The following TEAD4 variants were observed in gnomAD, a reference collection of about 807,000 sequenced individuals.
TEAD4 encodes transcriptional enhancer factor TEF-3.
A neutral mutation model predicts 52.4 loss-of-function variants in TEAD4; 36 were observed. That is an observed-to-expected ratio of 0.69 (90% confidence interval 0.53 to 0.91). The LOEUF (loss-of-function observed/expected upper bound fraction) is 0.91, where lower values mean the gene tolerates loss of function less well. Ranked by LOEUF, TEAD4 falls within the 40% of genes least tolerant of loss-of-function variation. The pLI is 0.00. For synonymous variants in TEAD4, 220 were observed against 231.0 expected (o/e 0.95, Z 0.43); for missense variants, 508 against 583.9 (o/e 0.87, Z 1.34).
At chr12:2,992,444 C>G (rs1215941820) in intron 2 of TEAD4, among the ~76,000 whole-genome samples, 1 of 152,182 alleles carries the variant, frequency 6.6e-6, no homozygotes, top group African/African-American at 2.4e-5. Context: ...CCCTCCCTCC[C>G]CTCGATCCTC....
chr12:2,962,155 C>T (rs1044121949), intron 2 of TEAD4, among the ~76,000 whole-genome samples: 3 of 149,494 alleles, frequency 2.0e-5, no homozygotes, highest in African/African-American at 7.3e-5. Context: ...GACGGAGTCT[C>T]GCTCTGTCGC....
chr12:2,976,303 C>T (rs1173033646), intron 2 of TEAD4, among the ~76,000 whole-genome samples: 4 of 151,908 alleles, frequency 2.6e-5, no homozygotes, highest in African/African-American at 9.7e-5. Flanking sequence ...TGAACCTCCA[C>T]ACCTGGCCAT....
At chr12:3,020,596 C>A (rs777522172) in intron 8 of TEAD4, 38 bp from the exon 9 acceptor site, 2 of 1,495,766 alleles carry the variant, frequency 1.3e-6, no homozygotes, top group Non-Finnish European at 1.8e-6. Context: ...GGCGGGTGTC[C>A]GTGACCAGGT....
At chr12:3,003,980 C>T (rs940674845) in intron 3 of TEAD4, among the ~76,000 whole-genome samples, 32 of 152,236 alleles carry the variant, frequency 2.1e-4, no homozygotes, top group African/African-American at 6.3e-4. Context: ...TGCCGGCCTT[C>T]ACTGTGGTTC....
intron 10 of TEAD4, among the ~76,000 whole-genome samples, chr12:3,027,742 C>T (rs7302288): frequency 0.13 from 19,229 of 152,160 alleles, 1,335 homozygotes; most frequent in Non-Finnish European, 0.14. Context: ...TGGTGCGTGC[C>T]TGTAATCCAA....
intron 10 of TEAD4, among the ~76,000 whole-genome samples, chr12:3,028,515 C>A (rs990773614): frequency 1.3e-5 from 2 of 152,192 alleles, no homozygotes; most frequent in African/African-American, 4.8e-5. Context: ...GAAGTGGTAT[C>A]TCATTGTGGT....
chr12:3,035,082 C>CA (rs1233754268), intron 10 of TEAD4, among the ~76,000 whole-genome samples: 1 of 151,328 alleles, frequency 6.6e-6, no homozygotes, highest in Non-Finnish European at 1.5e-5. Flanking sequence ...GCCCAGGCGA[C>CA]AGAGCGAGAT....
chr12:3,003,435 C>T (rs959707741), intron 3 of TEAD4, among the ~76,000 whole-genome samples: 15 of 152,244 alleles, frequency 9.9e-5, no homozygotes, highest in African/African-American at 3.6e-4. Flanking sequence ...AAATGAGATA[C>T]AGAAATGACC....
intron 2 of TEAD4, among the ~76,000 whole-genome samples, chr12:2,968,741 T>G (rs1400709357): frequency 1.3e-5 from 2 of 151,998 alleles, no homozygotes; most frequent in African/African-American, 2.4e-5. Context: ...CTCAAACTCC[T>G]GCACTCAGAT....
chr12:2,991,659 C>T (rs1374956306), intron 2 of TEAD4, among the ~76,000 whole-genome samples: 1 of 151,712 alleles, frequency 6.6e-6, no homozygotes, highest in African/African-American at 2.4e-5. Flanking sequence ...AAGACTCCGT[C>T]CCCCCACAAA....
chr12:2,970,330 G>A lies in TEAD4; in HGVS notation c.-30+10290G>A, dbSNP rs543537420. 1.0e-3 allele frequency among the ~76,000 whole-genome samples: 154 copies of A among 152,286 alleles called. 1 individual carries two copies. Among genetic ancestry groups the A allele is most frequent in the Non-Finnish European group, 1.1e-3 (76 of 68,024 alleles). Reference sequence around the variant, plus strand: ...CACAGTGTGGCTTTCCAGCCAGCCCGCCTGGGTTTGAATCTCTGTTCTGCC... The same window carrying A: ...CACAGTGTGGCTTTCCAGCCAGCCCACCTGGGTTTGAATCTCTGTTCTGCC... On this transcript the variant is annotated intron_variant, in intron 2 of 12. Transcript: ENST00000359864.
In TEAD4 at chr12:2,982,109, A is replaced by G. The variant is rs2098234490; in HGVS notation, c.-29-12629A>G. On this transcript the variant is annotated intron_variant, in intron 2 of 12. Transcript: ENST00000359864. Reference sequence around the variant, plus strand: ...GTCTGGTTCTGCCTTTTCTCGGGGCAGGTCCTTTGCCCTCCCTGAGGCTTG... The same window carrying G: ...GTCTGGTTCTGCCTTTTCTCGGGGCGGGTCCTTTGCCCTCCCTGAGGCTTG... Among the ~76,000 whole-genome samples, 3 of 152,144 alleles carry G rather than the reference A, an allele frequency of 2.0e-5. No individual in the cohort carries two copies. In the South Asian group the frequency reaches 6.2e-4, roughly 32 times the overall value.
intron 2 of TEAD4, among the ~76,000 whole-genome samples, chr12:2,991,660 C>T (rs1445734215): frequency 6.6e-6 from 1 of 151,522 alleles, no homozygotes; most frequent in Non-Finnish European, 1.5e-5. Context: ...AGACTCCGTC[C>T]CCCCACAAAA....
intron 2 of TEAD4, among the ~76,000 whole-genome samples, chr12:2,979,196 G>A (rs1283363489): frequency 4.6e-5 from 7 of 152,194 alleles, no homozygotes; most frequent in Admixed American, 2.0e-4. Context: ...GATTACAGGC[G>A]TGAGCCACCG....
rs2098269467 is a variant in TEAD4 at position 3,022,545 on chromosome 12, A to G, written c.897+528A>G. Among the ~76,000 whole-genome samples the G allele has an allele frequency of 2.0e-5, 3 of 152,220 alleles. 1 individual carries two copies. In the South Asian group the frequency reaches 6.2e-4, roughly 32 times the overall value. On this transcript the variant is annotated intron_variant, in intron 10 of 12. Transcript: ENST00000359864. ...CGAGGCCACCCCACAAGAAACACCC[A>G]CCCAGCTTCTCAGATAGCTCAGCCT...
At chr12:3,016,292 A>T (rs959033089) in intron 5 of TEAD4, among the ~76,000 whole-genome samples, 4 of 152,194 alleles carry the variant, frequency 2.6e-5, no homozygotes, top group African/African-American at 9.6e-5. Flanking sequence ...CCTCTCCAGG[A>T]GCTGGGATTA....
chr12:2,992,041 C>T (rs1216119131), intron 2 of TEAD4, among the ~76,000 whole-genome samples: 1 of 60,738 alleles, frequency 1.6e-5, no homozygotes, highest in Non-Finnish European at 3.8e-5. Flanking sequence ...TTTTTTGAGG[C>T]GGAGTCTCGC....
chr12:2,998,909 C>A (rs2098249399), intron 3 of TEAD4, among the ~76,000 whole-genome samples: 1 of 152,292 alleles, frequency 6.6e-6, no homozygotes, highest in Admixed American at 6.5e-5. Flanking sequence ...ACCGCCCAGC[C>A]CCCACAGCAC....
At chr12:3,035,828 AAAAAAAAAAAG>A (rs1225063235) in intron 10 of TEAD4, among the ~76,000 whole-genome samples, 1 of 150,314 alleles carries the variant, frequency 6.7e-6, no homozygotes, top group Non-Finnish European at 1.5e-5. Context: ...TTTAACAAAA[AAAAAAAAAAAG>A]AAGAAGAAGA....
Sources: allele counts gnomAD v4.1 joint callset (sites outside exome capture counted in the v4.1 genomes callset), GRCh38; gene constraint gnomAD v4.1.1; transcripts MANE v1.5; gene names NCBI Gene and HGNC (gene_info 2026-07-23, HGNC 2026-07-21).